Variants in SLC52A1 observed in about 807,000 individuals in gnomAD.
The protein encoded by SLC52A1 is solute carrier family 52, riboflavin transporter, member 1.
Under a neutral mutation model 23.2 loss-of-function variants are expected in SLC52A1, and 20 were observed. The ratio of observed to expected loss-of-function variants is 0.86; its 90% CI spans 0.61 to 1.25. The LOEUF is 1.25. Ranked by LOEUF, SLC52A1 falls within the 50% of genes most tolerant of loss-of-function variation. The pLI, the probability that SLC52A1 is intolerant of heterozygous loss-of-function variation, is 0.00. For missense variants in SLC52A1, 528 were observed against 557.0 expected, an observed-to-expected ratio of 0.95 and a Z score of 0.52; for synonymous variants, 260 against 256.6, an observed-to-expected ratio of 1.01 and a Z score of -0.13.
At chr17:5,039,990 G>T (rs1016838277), upstream of SLC52A1, among the ~76,000 whole-genome samples, 1 of 152,140 alleles carries the variant, frequency 6.6e-6, no homozygotes, top group African/African-American at 2.4e-5. Context: ...CAAGGAGCCG[G>T]CTATAAATGG....
intron 2 of SLC52A1, 45 bp from the exon 3 acceptor site, chr17:5,034,403 GGACAAAGAGC>G (rs769190092): frequency 6.2e-7 from 1 of 1,603,950 alleles, no homozygotes; most frequent in Non-Finnish European, 8.5e-7. Flanking sequence ...AGTGGCTAAG[GGACAAAGAGC>G]TGCCACAGGC....
At position 5,040,615 on chromosome 17, in the gene SLC52A1, C is replaced by T. The variant is rs147582228; in HGVS notation, c.-107-5902G>A. Among the ~76,000 whole-genome samples, 17 of 152,152 alleles carry T rather than the reference C, an allele frequency of 1.1e-4. No homozygotes were observed. In the South Asian group the frequency reaches 3.1e-3, roughly 28 times the overall value. On this transcript the variant is annotated intron_variant, in intron 1 of 3. Transcript: ENST00000512825. ...AGGGATGGCCTTGGGGTCTGGTGCA[C>T]GGGGAATAACCAAGGGGACCGAAGG...
intron 1 of SLC52A1, among the ~76,000 whole-genome samples, chr17:5,041,248 G>A (rs1450654563): frequency 1.3e-5 from 2 of 151,932 alleles, no homozygotes; most frequent in South Asian, 2.1e-4. Context: ...CAGCCACCAC[G>A]GCTGGCTAAT....
upstream of SLC52A1, among the ~76,000 whole-genome samples, chr17:5,036,139 C>A (rs1360739208): frequency 7.2e-6 from 1 of 138,732 alleles, no homozygotes; most frequent in Non-Finnish European, 1.5e-5. Context: ...TCAAGCCATT[C>A]TCCTGCCTCA....
At chr17:5,039,085 G>A (rs1406545922), upstream of SLC52A1, among the ~76,000 whole-genome samples, 5 of 151,912 alleles carry the variant, frequency 3.3e-5, no homozygotes, top group East Asian at 2.0e-4. Context: ...CACTGTGGGA[G>A]GCTGAGGCAG....
Position 5,034,559 on chromosome 17 carries a change from C to G in SLC52A1, c.48G>C (p.Val16=). ...CCCAGGAGCCCATGCCAAAAAGGGC[C>G]ACCAGCAGGTGGGTCAGCACCAGAC... ...LGRLVLTHLL[V]ALFGMGSWAA... is the part of the protein sequence containing the mutation. Residue 16 remains valine (V), a synonymous_variant, in exon 2 of 5, where the codon GTG becomes GTC. Transcript: ENST00000254853. 6.2e-7 allele frequency: 1 copy of G among 1,614,242 alleles called. No individual in the cohort carries two copies.
Position 5,034,312 on chromosome 17 carries a change from G to A in SLC52A1, c.177C>T (p.Asn59=). 1 of 1,592,032 alleles carries A rather than the reference G, an allele frequency of 6.3e-7. No homozygotes were observed. Among genetic ancestry groups the A allele is most frequent in the Non-Finnish European group, 8.6e-7 (1 of 1,169,458 alleles). ...SYLSVVVALG[N]LGLLVVTLWR... ...ACAGGGTCACCACCAGCAGACCCAG[G>A]TTTCCCAGCGCCACAACCACAGAGA... Residue 59 remains asparagine (N), a synonymous_variant, in exon 3 of 5, where the codon AAC becomes AAT. Coordinates refer to ENST00000254853, the MANE Select transcript of SLC52A1 (RefSeq NM_017986.4).
intron 1 of SLC52A1, among the ~76,000 whole-genome samples, chr17:5,040,955 C>G (rs1263316293): frequency 1.3e-5 from 2 of 151,856 alleles, no homozygotes; most frequent in African/African-American, 4.8e-5. Flanking sequence ...GCCACCACGC[C>G]CAGCTAATTT....
At chr17:5,036,768 C>T (rs1975470226), upstream of SLC52A1, among the ~76,000 whole-genome samples, 1 of 152,102 alleles carries the variant, frequency 6.6e-6, no homozygotes, top group Non-Finnish European at 1.5e-5. Context: ...TTACCCTGAC[C>T]TACTACCCAT....
At position 5,034,267 on chromosome 17, in the gene SLC52A1, G is replaced by C. The variant is rs753612949; in HGVS notation, c.222C>G (p.Gly74=). Residue 74 remains glycine, a synonymous_variant, in exon 3 of 5, where the codon GGC becomes GGG. Coordinates refer to ENST00000254853, the MANE Select transcript of SLC52A1 (RefSeq NM_017986.4). ...CCTGGATGGGGACCTGCTCGCCCTTGCCCGGGGCCAGCTGCCTCCACAGGG... is the reference window on the plus strand; with the variant it reads ...CCTGGATGGGGACCTGCTCGCCCTTCCCCGGGGCCAGCTGCCTCCACAGGG... The part of the protein sequence containing the change: ...VVTLWRQLAP[G]KGEQVPIQVV... The C allele has an allele frequency of 6.2e-7, 1 of 1,611,136 alleles. No homozygotes were observed. The highest frequency in any genetic ancestry group is 8.5e-7 in the Non-Finnish European group (1 of 1,178,174).
chr17:5,036,924 T>A (rs1358479940), upstream of SLC52A1, among the ~76,000 whole-genome samples: 4 of 152,070 alleles, frequency 2.6e-5, no homozygotes, highest in African/African-American at 9.7e-5. Context: ...GGCTCAAGGA[T>A]CCTCCCACCT....
At chr17:5,036,127 G>A (rs1433098126), upstream of SLC52A1, among the ~76,000 whole-genome samples, 8 of 146,570 alleles carry the variant, frequency 5.5e-5, no homozygotes, top group Middle Eastern at 3.5e-3. Context: ...TGCCTCCCGG[G>A]TTCAAGCCAT....
upstream of SLC52A1, among the ~76,000 whole-genome samples, chr17:5,036,040 C>CTTTTTT (rs34027393): frequency 1.7e-4 from 12 of 69,792 alleles, no homozygotes; most frequent in South Asian, 6.7e-4. Flanking sequence ...TGTTTTTACA[C>CTTTTTT]TTTTTTTTTT....
chr17:5,040,679 C>A (rs1820857475), intron 1 of SLC52A1, among the ~76,000 whole-genome samples: 1 of 152,150 alleles, frequency 6.6e-6, no homozygotes, highest in South Asian at 2.1e-4. Context: ...CCTGGAAGAT[C>A]CCTCTGCTCC....
At chr17:5,040,310 A>G (rs1047383562), upstream of SLC52A1, among the ~76,000 whole-genome samples, 3 of 151,974 alleles carry the variant, frequency 2.0e-5, no homozygotes, top group African/African-American at 7.3e-5. Context: ...AGTAGCTGGG[A>G]CCACAGGTGT....
At chr17:5,037,526 A>G (rs4453566), upstream of SLC52A1, among the ~76,000 whole-genome samples, 144,660 of 152,060 alleles carry the variant, frequency 0.95, 68,862 homozygotes, top group African/African-American at 0.96. Flanking sequence ...CCACCCCCCC[A>G]AACAAAAAAA....
Position 5,032,925 on chromosome 17 carries a change from TG to T in SLC52A1, c.*31del. On this transcript the variant is annotated 3_prime_UTR_variant, in exon 5 of 5. Transcript: ENST00000254853. ...GTGGCAGCCTCACGATGAAGACAGGTGGGGTGGAGTTGGGTCCCCACCTGCC... is the reference window on the plus strand; with the variant it reads ...GTGGCAGCCTCACGATGAAGACAGGTGGGTGGAGTTGGGTCCCCACCTGCC... 6.3e-7 allele frequency: 1 copy of T among 1,585,432 alleles called. No individual in the cohort carries two copies. The highest frequency in any genetic ancestry group is 8.6e-7 in the Non-Finnish European group (1 of 1,156,214).
upstream of SLC52A1, among the ~76,000 whole-genome samples, chr17:5,036,033 T>C (rs1224847223): frequency 7.0e-6 from 1 of 141,886 alleles, no homozygotes; most frequent in Non-Finnish European, 1.5e-5. Context: ...GCTCAGCTGT[T>C]TTTACACTTT....
At chr17:5,041,540 C>T (rs534779538) in intron 1 of SLC52A1, among the ~76,000 whole-genome samples, 9 of 152,084 alleles carry the variant, frequency 5.9e-5, no homozygotes, top group East Asian at 1.9e-4. Context: ...TGCAATGGTG[C>T]GATCTTGGCT....
Sources: allele counts gnomAD v4.1 joint callset (sites outside exome capture counted in the v4.1 genomes callset), GRCh38; gene constraint gnomAD v4.1.1; transcripts MANE v1.5; gene names NCBI Gene and HGNC (gene_info 2026-07-23, HGNC 2026-07-21).